Variants in TENM4 observed in about 807,000 individuals in gnomAD.
TENM4 encodes the protein teneurin-4.
A neutral mutation model predicts 243.3 loss-of-function variants in TENM4; 82 were observed. The observed-to-expected ratio is 0.34, with a 90% CI of 0.28 to 0.40. The LOEUF is 0.40. Ranked by LOEUF, TENM4 falls within the 10% of genes least tolerant of loss-of-function variation. The pLI is 1.00. For missense variants in TENM4, 3,138 were observed against 3,673.3 expected, an observed-to-expected ratio of 0.85 and a Z score of 3.77; for synonymous variants, 1,412 against 1,456.3, an observed-to-expected ratio of 0.97 and a Z score of 0.69.
At chr11:79,000,598 C>A (rs537943577) in intron 6 of TENM4, among the ~76,000 whole-genome samples, 5 of 151,884 alleles carry the variant, frequency 3.3e-5, no homozygotes, top group Admixed American at 1.3e-4. Context: ...TTCCCTAGAG[C>A]AACCACTAAA....
intron 3 of TENM4, among the ~76,000 whole-genome samples, chr11:79,197,314 C>T (rs186545385): frequency 6.6e-6 from 1 of 151,634 alleles, no homozygotes; most frequent in Admixed American, 6.6e-5. Flanking sequence ...GCTTCCCAAC[C>T]CTGGCTGCTC....
At position 78,732,502 on chromosome 11, in the gene TENM4, G is replaced by A. The variant is rs1383071024; in HGVS notation, c.2952C>T (p.His984=). The change falls in exon 21 of 34, where the codon CAC becomes CAT. Residue 984 remains histidine (H), a synonymous_variant. Transcript: ENST00000278550. ...AGCGATCCCATGGCAGCCACAGGGT[G>A]TGCTCCTGTGTGATGAAAGGTGCCC... ...FERAPFITQE[H]TLWLPWDRFF... is the part of the protein sequence containing the mutation. 1.9e-6 allele frequency: 3 copies of A among 1,613,542 alleles called. No homozygotes were observed. The highest frequency in any genetic ancestry group is 1.7e-5 in the Admixed American group (1 of 59,958).
At chr11:78,690,925 A>G (rs1858804016) in intron 28 of TENM4, among the ~76,000 whole-genome samples, 1 of 152,206 alleles carries the variant, frequency 6.6e-6, no homozygotes, top group Admixed American at 6.5e-5. Flanking sequence ...TTCCTGACCT[A>G]ACCACATGAA....
chr11:78,832,080 G>T (rs1280407558), intron 12 of TENM4, among the ~76,000 whole-genome samples: 2 of 152,210 alleles, frequency 1.3e-5, no homozygotes, highest in Non-Finnish European at 2.9e-5. Context: ...TCACAGCTGG[G>T]TGGCTGCAGA....
chr11:78,828,116 CTTTGGTGTG>C (rs1237535241), intron 12 of TENM4, among the ~76,000 whole-genome samples: 1 of 152,138 alleles, frequency 6.6e-6, no homozygotes, highest in African/African-American at 2.4e-5. Flanking sequence ...GTTTTATGTC[CTTTGGTGTG>C]TTCAGCCTCA....
At chr11:79,154,190 G>A (rs996059636) in intron 3 of TENM4, among the ~76,000 whole-genome samples, 1 of 152,000 alleles carries the variant, frequency 6.6e-6, no homozygotes, top group Non-Finnish European at 1.5e-5. Context: ...TGTACAGGAA[G>A]CATAGTGTTG....
intron 12 of TENM4, among the ~76,000 whole-genome samples, chr11:78,848,330 A>C (rs1232323312): frequency 2.6e-5 from 4 of 152,122 alleles, no homozygotes; most frequent in Non-Finnish European, 4.4e-5. Context: ...CTTTTTGCTT[A>C]GCGTGGCATT....
At chr11:79,034,131 T>C (rs768133718) in intron 6 of TENM4, among the ~76,000 whole-genome samples, 26 of 152,246 alleles carry the variant, frequency 1.7e-4, no homozygotes, top group Non-Finnish European at 2.4e-4. Flanking sequence ...AAAGCATTTT[T>C]GCAAACTGCA....
At chr11:79,031,003 A>G (rs1859220043) in intron 6 of TENM4, among the ~76,000 whole-genome samples, 1 of 152,204 alleles carries the variant, frequency 6.6e-6, no homozygotes, top group Non-Finnish European at 1.5e-5. Context: ...ACGAAGGTGG[A>G]TAAAGGGACA....
chr11:78,967,674 G>T (rs1404018004), intron 6 of TENM4, among the ~76,000 whole-genome samples: 1 of 152,196 alleles, frequency 6.6e-6, no homozygotes, highest in East Asian at 1.9e-4. Flanking sequence ...TGGGACTGGG[G>T]TGTAGGTGTG....
intron 3 of TENM4, among the ~76,000 whole-genome samples, chr11:79,185,372 A>G (rs1190511849): frequency 6.6e-6 from 1 of 152,154 alleles, no homozygotes; most frequent in Admixed American, 6.5e-5. Flanking sequence ...AAAACCCACA[A>G]ATGTTTAAAA....
intron 28 of TENM4, among the ~76,000 whole-genome samples, chr11:78,699,151 C>T (rs1374911138): frequency 6.6e-6 from 1 of 152,220 alleles, no homozygotes; most frequent in Non-Finnish European, 1.5e-5. Flanking sequence ...ACAACAACAA[C>T]AACAACTGCA....
intron 3 of TENM4, among the ~76,000 whole-genome samples, chr11:79,209,867 TCAG>T (rs755002525): frequency 6.6e-6 from 1 of 152,192 alleles, no homozygotes; most frequent in Non-Finnish European, 1.5e-5. Context: ...TTACCAGGTA[TCAG>T]CTATATGTCC....
At chr11:78,903,139 G>T in intron 7 of TENM4, 129 bp downstream of exon 7, 1 of 1,310,646 alleles carries the variant, frequency 7.6e-7, no homozygotes. Context: ...TCCCTAAACC[G>T]TGCACCCAAC....
intron 3 of TENM4, among the ~76,000 whole-genome samples, chr11:79,151,934 C>A (rs1226192495): frequency 6.6e-6 from 1 of 152,166 alleles, no homozygotes; most frequent in African/African-American, 2.4e-5. Flanking sequence ...GAACCAACCC[C>A]AGTGGCTGGC....
In TENM4 at chr11:78,812,412, G is replaced by A. The variant is rs537304736; in HGVS notation, c.1784-96C>T. The A allele has an allele frequency of 1.5e-4, 207 of 1,413,734 alleles. No homozygotes were observed. The East Asian group carries it at 5.1e-3, about 35-fold the overall frequency. 87.6% of individuals were successfully genotyped at this position (1,413,734 alleles called of 1,614,324 possible). On this transcript the variant is annotated intron_variant, in intron 13 of 33. Transcript: ENST00000278550. ...CCTCCTGGCCTGCCTGGCTTCACCA[G>A]TAGCCTCAACTGCTCTGCCACAAAC...
chr11:79,208,243 T>C (rs1308239002), intron 3 of TENM4, among the ~76,000 whole-genome samples: 1 of 152,208 alleles, frequency 6.6e-6, no homozygotes, highest in Non-Finnish European at 1.5e-5. Flanking sequence ...AATTGCTACA[T>C]AGTATTAAGC....
At chr11:79,142,207 GAT>G (rs1229152530) in intron 4 of TENM4, among the ~76,000 whole-genome samples, 1 of 152,048 alleles carries the variant, frequency 6.6e-6, no homozygotes, top group East Asian at 1.9e-4. Context: ...GTTTGCAGAT[GAT>G]GTGACCTTAC....
At chr11:79,210,843 G>T (rs1863941766) in intron 3 of TENM4, among the ~76,000 whole-genome samples, 1 of 152,116 alleles carries the variant, frequency 6.6e-6, no homozygotes, top group South Asian at 2.1e-4. Flanking sequence ...AATTAGTAGT[G>T]GATGACTTTT....
Sources: gnomAD v4.1 joint callset for allele counts (sites outside exome capture counted in the v4.1 genomes callset) on GRCh38, gnomAD v4.1.1 for gene constraint, MANE v1.5 for transcripts, NCBI Gene and HGNC (gene_info 2026-07-23, HGNC 2026-07-21) for gene names.